TRPM3: variants seen among roughly 807,000 people sequenced by gnomAD.
The protein encoded by TRPM3 is long transient receptor potential channel 3.
Under a neutral mutation model 181.2 loss-of-function variants are expected in TRPM3, and 77 were observed. The ratio of observed to expected loss-of-function variants is 0.42; its 90% CI spans 0.35 to 0.51. The LOEUF (loss-of-function observed/expected upper bound fraction) is 0.51, where lower values mean the gene tolerates loss of function less well. Ranked by LOEUF, TRPM3 falls within the 20% of genes least tolerant of loss-of-function variation. The probability of loss-of-function intolerance (pLI) is 0.01; values close to 1 mark genes in which losing one functional copy is unlikely to be tolerated. For synonymous variants in TRPM3, 745 were observed against 796.4 expected (o/e 0.94, Z 1.09); for missense variants, 1,759 against 2,196.7 (o/e 0.80, Z 3.98).
chr9:70,546,538 C>T (rs1242221482), intron 25 of TRPM3, among the ~76,000 whole-genome samples: 3 of 152,156 alleles, frequency 2.0e-5, no homozygotes, highest in Non-Finnish European at 4.4e-5. Flanking sequence ...GCGTGGCTTA[C>T]TGCCTGGCAA....
chr9:71,351,331 C>A (rs1463186424), intron 1 of TRPM3, among the ~76,000 whole-genome samples: 2 of 152,168 alleles, frequency 1.3e-5, no homozygotes, highest in African/African-American at 2.4e-5. Context: ...TAATTGGATT[C>A]ACGTGAACAA....
chr9:70,902,046 G>A (rs959191173), intron 1 of TRPM3, among the ~76,000 whole-genome samples: 11 of 152,190 alleles, frequency 7.2e-5, no homozygotes, highest in African/African-American at 2.7e-4. Context: ...AGTTGGGGGT[G>A]GGGTCACATA....
chr9:71,080,995 A>C (rs1012362017), intron 1 of TRPM3, among the ~76,000 whole-genome samples: 3 of 152,112 alleles, frequency 2.0e-5, no homozygotes, highest in African/African-American at 7.2e-5. Flanking sequence ...CAGTACCAAA[A>C]AGCAGGAGAA....
At chr9:70,881,500 T>C (rs1388784837) in intron 1 of TRPM3, among the ~76,000 whole-genome samples, 1 of 152,208 alleles carries the variant, frequency 6.6e-6, no homozygotes, top group Non-Finnish European at 1.5e-5. Context: ...AGGCTGATTA[T>C]GACTTAACGC....
At chr9:70,859,158 C>T (rs1402834511) in intron 3 of TRPM3, among the ~76,000 whole-genome samples, 3 of 152,156 alleles carry the variant, frequency 2.0e-5, no homozygotes, top group Non-Finnish European at 4.4e-5. Flanking sequence ...GGATTGATTT[C>T]TCTGTCCCTG....
chr9:70,933,753 T>C (rs2133444941), intron 1 of TRPM3, among the ~76,000 whole-genome samples: 1 of 151,836 alleles, frequency 6.6e-6, no homozygotes, highest in East Asian at 1.9e-4. Flanking sequence ...TGGAGCATAC[T>C]TAGATATTGA....
At chr9:71,190,276 T>C (rs1220109693) in intron 1 of TRPM3, among the ~76,000 whole-genome samples, 4 of 151,996 alleles carry the variant, frequency 2.6e-5, no homozygotes, top group Non-Finnish European at 5.9e-5. Flanking sequence ...ACAATTCTAC[T>C]GAACAAAGCA....
At chr9:71,011,628 T>G (rs1040143438) in intron 1 of TRPM3, among the ~76,000 whole-genome samples, 13 of 152,050 alleles carry the variant, frequency 8.5e-5, no homozygotes, top group African/African-American at 2.9e-4. Flanking sequence ...TTTAATTTGA[T>G]TTTGAATTGT....
At chr9:71,063,289 T>C (rs1190054192) in intron 1 of TRPM3, among the ~76,000 whole-genome samples, 2 of 152,148 alleles carry the variant, frequency 1.3e-5, no homozygotes, top group Non-Finnish European at 2.9e-5. Context: ...TTGATGGTGA[T>C]CAATAGCTTA....
chr9:71,363,446 T>C (rs1005046669), intron 1 of TRPM3, among the ~76,000 whole-genome samples: 1 of 152,198 alleles, frequency 6.6e-6, no homozygotes, highest in Non-Finnish European at 1.5e-5. Flanking sequence ...TTCAAGCCTT[T>C]ATCATTCCAG....
intron 22 of TRPM3, 118 bp from the exon 23 acceptor site, chr9:70,553,428 G>T: frequency 7.6e-7 from 1 of 1,313,222 alleles, no homozygotes; most frequent in Non-Finnish European, 1.0e-6. Flanking sequence ...ATCTCAAACA[G>T]AAAAAAGTTC....
Position 70,610,667 on chromosome 9 carries a change from A to T in TRPM3, c.2609T>A (p.Leu870His). The change falls in exon 19 of 26, where the codon CTC becomes CAC. Residue 870 changes from leucine to histidine, a missense_variant. Physicochemically the swap from Leu to His is moderately conservative, Grantham distance 99 (BLOSUM62 -3). Coordinates refer to ENST00000677713, the MANE Select transcript of TRPM3 (RefSeq NM_001366145.2). ...EVQSKHRLIP[L>H]GRKIYEFYNA... The stretch of plus-strand genomic sequence containing the variant: ...GTAGAATTCATAGATTTTTCTGCCG[A>T]GGGGGATTAACCGGTGCTTGCTCTG... The T allele has an allele frequency of 1.2e-6, 2 of 1,614,180 alleles. No individual in the cohort carries two copies. The highest frequency in any genetic ancestry group is 1.7e-6 in the Non-Finnish European group (2 of 1,180,010).
chr9:70,827,598 C>A, intron 6 of TRPM3: 2 of 381,538 alleles, frequency 5.2e-6, no homozygotes, highest in African/African-American at 2.0e-5. Flanking sequence ...TACACATACC[C>A]CAGATGGAGT....
intron 1 of TRPM3, among the ~76,000 whole-genome samples, chr9:70,901,650 T>C (rs1280788369): frequency 6.6e-6 from 1 of 152,038 alleles, no homozygotes; most frequent in Non-Finnish European, 1.5e-5. Context: ...AAATCAAAAA[T>C]GTATAATGGG....
chr9:70,694,177 T>G (rs7866057), intron 8 of TRPM3, among the ~76,000 whole-genome samples: 287 of 152,174 alleles, frequency 1.9e-3, no homozygotes, highest in African/African-American at 6.1e-3. Flanking sequence ...GTTTCCTGGG[T>G]TTTTTTTGTG....
intron 7 of TRPM3, among the ~76,000 whole-genome samples, chr9:70,764,797 T>C (rs1213841141): frequency 6.6e-6 from 1 of 152,212 alleles, no homozygotes; most frequent in Non-Finnish European, 1.5e-5. Flanking sequence ...TCTGATTCAG[T>C]TCTTTTTCCA....
intron 21 of TRPM3, among the ~76,000 whole-genome samples, chr9:70,595,168 G>A (rs1025400537): frequency 7.9e-5 from 12 of 152,080 alleles, no homozygotes; most frequent in Non-Finnish European, 1.3e-4. Flanking sequence ...AAATAATCTC[G>A]CTGCATTAGC....
intron 22 of TRPM3, among the ~76,000 whole-genome samples, chr9:70,559,520 A>G (rs565350193): frequency 3.9e-4 from 60 of 152,294 alleles, no homozygotes; most frequent in African/African-American, 1.4e-3. Flanking sequence ...TGTTGTGTAA[A>G]TCTCCATGGC....
chr9:70,663,148 C>T (rs971290200), intron 9 of TRPM3, among the ~76,000 whole-genome samples: 8 of 152,008 alleles, frequency 5.3e-5, no homozygotes, highest in African/African-American at 1.7e-4. Context: ...AATGGAAAAC[C>T]GAATATTGTA....
Sources: gnomAD v4.1 joint callset for allele counts (sites outside exome capture counted in the v4.1 genomes callset) on GRCh38, gnomAD v4.1.1 for gene constraint, MANE v1.5 for transcripts, NCBI Gene and HGNC (gene_info 2026-07-23, HGNC 2026-07-21) for gene names.